The following HTR6 variants were observed in gnomAD, a reference collection of about 807,000 sequenced individuals.
The protein encoded by HTR6 is 5-hydroxytryptamine receptor 6, also known as 5-hydroxytryptamine (serotonin) receptor 6, G protein-coupled.
HTR6 carries 15 observed loss-of-function variants against 17.4 expected under a neutral mutation model. The ratio of observed to expected loss-of-function variants is 0.86; its 90% CI spans 0.58 to 1.33. The LOEUF (loss-of-function observed/expected upper bound fraction) is 1.33, where lower values mean the gene tolerates loss of function less well. Ranked by LOEUF, HTR6 falls within the 40% of genes most tolerant of loss-of-function variation. The pLI is 0.00. For missense variants in HTR6, 578 were observed against 616.0 expected (o/e 0.94, Z 0.65); for synonymous variants, 326 against 295.5 (o/e 1.10, Z -1.06).
Position 19,666,419 on chromosome 1 carries a change from G to T in HTR6, c.666G>T (p.Val222=). ...CTGCCCGCAAGCAGGCCGTGCAGGT[G>T]GCCTCCCTCACCACCGGCATGGCCA... ...LLAARKQAVQ[V]ASLTTGMASQ... is the part of the protein sequence containing the mutation. Residue 222 remains valine (V), a synonymous_variant, in exon 1 of 3, where the codon GTG becomes GTT. Coordinates refer to ENST00000289753, the MANE Select transcript of HTR6 (RefSeq NM_000871.3). The surrounding 1 kb of genome is among the most constrained non-coding windows in gnomAD (Gnocchi z 4.5). 1.2e-6 allele frequency: 2 copies of T among 1,613,238 alleles called. No homozygotes were observed. The highest frequency in any genetic ancestry group is 1.7e-6 in the Non-Finnish European group (2 of 1,179,896).
chr1:19,672,988 C>A (rs1435749709), intron 1 of HTR6, among the ~76,000 whole-genome samples: 1 of 152,152 alleles, frequency 6.6e-6, no homozygotes, highest in African/African-American at 2.4e-5. Flanking sequence ...ATCTTTAAAA[C>A]AACAACAATA....
Position 19,680,734 on chromosome 1 carries a change from T to C in HTR6, c.*1366T>C, listed in dbSNP as rs2095101288. Among the ~76,000 whole-genome samples the C allele has an allele frequency of 6.6e-6, 1 of 152,146 alleles. No homozygotes were observed. The highest frequency in any genetic ancestry group is 2.1e-4 in the South Asian group (1 of 4,826). Reference sequence around the variant, plus strand: ...TTCTGGGGGCAGGGGGTTGGGGAACTCTTGGTCGCCAGTTTACCTGCCATA... The same window carrying C: ...TTCTGGGGGCAGGGGGTTGGGGAACCCTTGGTCGCCAGTTTACCTGCCATA... On this transcript the variant is annotated 3_prime_UTR_variant, in exon 3 of 3. Coordinates refer to ENST00000289753, the MANE Select transcript of HTR6 (RefSeq NM_000871.3).
In HTR6 at chr1:19,678,665, C is replaced by T; in HGVS notation, c.813C>T (p.Gly271=). ...CCCTGAAGGCCAGCCTGACGCTGGG[C>T]ATCCTGCTGGGCATGTTCTTTGTGA... ...RKALKASLTL[G]ILLGMFFVTW... Residue 271 remains glycine, a synonymous_variant, in exon 2 of 3, where the codon GGC becomes GGT. Transcript: ENST00000289753. 6.2e-7 allele frequency: 1 copy of T among 1,613,914 alleles called. No homozygotes were observed.
At chr1:19,668,074 G>C (rs3790753) in intron 1 of HTR6, among the ~76,000 whole-genome samples, 4 of 152,210 alleles carry the variant, frequency 2.6e-5, no homozygotes, top group African/African-American at 9.6e-5. Context: ...CACCTGGGGT[G>C]GGGGCAGGGC....
At position 19,679,340 on chromosome 1, in the gene HTR6, C is replaced by T. The variant is rs549015054; in HGVS notation, c.1295C>T (p.Pro432Leu). The change falls in exon 3 of 3, where the codon CCG (proline) becomes CTG (leucine). Residue 432 changes from proline to leucine, a missense_variant. Transcript: ENST00000289753. The surrounding 1 kb of genome is among the most constrained non-coding windows in gnomAD (Gnocchi z 4.9). Reference protein sequence around the residue: ...NIDPAEPELRPHPLGIPTN With the variant: ...NIDPAEPELRLHPLGIPTN ...GACCCCGCGGAGCCCGAGCTGCGGC[C>T]GCATCCACTTGGCATCCCCACGAAC... The T allele has an allele frequency of 1.4e-5, 22 of 1,598,156 alleles. No homozygotes were observed. The highest frequency in any genetic ancestry group is 1.2e-4 in the African/African-American group (9 of 74,610).
rs2100467081 is a variant in HTR6 at position 19,666,319 on chromosome 1, T to C, written c.566T>C (p.Val189Ala). The change falls in exon 1 of 3, where the codon GTC (valine) becomes GCC (alanine). Residue 189 changes from valine to alanine, a missense_variant. By Grantham distance (64) the Val-to-Ala change is moderately conservative. Transcript: ENST00000289753. The surrounding 1 kb of genome is among the most constrained non-coding windows in gnomAD (Gnocchi z 4.5). The stretch of plus-strand genomic sequence containing the variant: ...CGCCTGCTGGCCAGCCTGCCTTTTG[T>C]CCTTGTGGCGTCGGGCCTCACCTTC... Reference protein sequence around the residue: ...QCRLLASLPFVLVASGLTFFL... With the variant: ...QCRLLASLPFALVASGLTFFL... 6.2e-7 allele frequency: 1 copy of C among 1,613,536 alleles called. No individual in the cohort carries two copies. The highest frequency in any genetic ancestry group is 2.2e-5 in the East Asian group (1 of 44,844).
chr1:19,675,285 C>T (rs924097384), intron 1 of HTR6, among the ~76,000 whole-genome samples: 3 of 152,146 alleles, frequency 2.0e-5, no homozygotes, highest in Non-Finnish European at 2.9e-5. Context: ...CTCATAAAGA[C>T]TGAATGACCT....
intron 1 of HTR6, among the ~76,000 whole-genome samples, chr1:19,674,287 CCTG>C (rs1222575614): frequency 1.3e-5 from 2 of 152,098 alleles, no homozygotes; most frequent in African/African-American, 2.4e-5. Flanking sequence ...TACTTTGCAA[CCTG>C]CTATTATAAT....
At chr1:19,670,616 G>A (rs1209154340) in intron 1 of HTR6, among the ~76,000 whole-genome samples, 6 of 151,914 alleles carry the variant, frequency 3.9e-5, no homozygotes, top group African/African-American at 4.8e-5. Context: ...GGTGCACATC[G>A]CCACACCGGG....
chr1:19,677,853 C>T lies in HTR6; in HGVS notation c.715-714C>T, dbSNP rs577510014. On this transcript the variant is annotated intron_variant, in intron 1 of 2. Transcript: ENST00000289753. ...CTCCTGGGTTCAAGCAATTCTCCTG[C>T]CTCAGTCTCCTGAGTAGCTGGGATT... Among the ~76,000 whole-genome samples the T allele has an allele frequency of 3.9e-4, 60 of 152,348 alleles. 1 individual carries two copies. The South Asian group carries it at 0.012, about 31-fold the overall frequency.
chr1:19,676,138 C>T (rs1266813819), intron 1 of HTR6, among the ~76,000 whole-genome samples: 5 of 152,160 alleles, frequency 3.3e-5, no homozygotes, highest in Non-Finnish European at 7.3e-5. Context: ...CCTCACAACA[C>T]ATATCACTGA....
In HTR6 at chr1:19,679,574, G is replaced by A. The variant is rs2095099173; in HGVS notation, c.*206G>A. ...ATAGCTGACTCAGATATCGTGTTCT[G>A]AAGGATGCTCCACTGTTGAGTGTAA... On this transcript the variant is annotated 3_prime_UTR_variant, in exon 3 of 3. Coordinates refer to ENST00000289753, the MANE Select transcript of HTR6 (RefSeq NM_000871.3). This position sits in a 1 kb window ranked among gnomAD's most constrained non-coding sequence, Gnocchi z 4.9. 1.4e-6 allele frequency: 1 copy of A among 695,262 alleles called. No individual in the cohort carries two copies. Among genetic ancestry groups the A allele is most frequent in the African/African-American group, 1.8e-5 (1 of 55,452 alleles). 43.1% of individuals were successfully genotyped at this position (695,262 alleles called of 1,614,324 possible).
chr1:19,671,452 T>C (rs1431547331), intron 1 of HTR6, among the ~76,000 whole-genome samples: 3 of 152,210 alleles, frequency 2.0e-5, no homozygotes, highest in East Asian at 1.9e-4. Context: ...CAGGCCGTTT[T>C]CCTGATTGCC....
intron 1 of HTR6, 74 bp from the exon 2 acceptor site, chr1:19,678,493 C>G (rs2095097020): frequency 1.9e-6 from 3 of 1,557,920 alleles, no homozygotes; most frequent in Non-Finnish European, 1.8e-6. Context: ...AGGATTGAAG[C>G]TCAGTCTGTG....
intron 1 of HTR6, among the ~76,000 whole-genome samples, chr1:19,676,362 G>A (rs1479624257): frequency 2.6e-5 from 4 of 152,256 alleles, no homozygotes; most frequent in Admixed American, 6.5e-5. Flanking sequence ...AAAAGCCCAG[G>A]TTTTGCCTCT....
intron 1 of HTR6, among the ~76,000 whole-genome samples, chr1:19,668,738 T>C (rs144689515): frequency 6.7e-4 from 102 of 152,322 alleles, no homozygotes; most frequent in Middle Eastern, 6.8e-3. Flanking sequence ...CTTTAAATCA[T>C]CTCTTTTATA....
intron 1 of HTR6, among the ~76,000 whole-genome samples, 190 bp from the exon 2 acceptor site, chr1:19,678,377 G>T (rs576058709): frequency 4.0e-4 from 60 of 151,760 alleles, no homozygotes; most frequent in Non-Finnish European, 6.0e-4. Flanking sequence ...CTGATGTCAG[G>T]GCTTGGCCTG....
chr1:19,667,027 T>G (rs1214889872), intron 1 of HTR6, among the ~76,000 whole-genome samples: 1 of 152,148 alleles, frequency 6.6e-6, no homozygotes, highest in Non-Finnish European at 1.5e-5. Flanking sequence ...CTTCCCACCG[T>G]GCTCCAGATA....
rs147873298 is a variant in HTR6 at position 19,679,991 on chromosome 1, C to T, written c.*623C>T. Among the ~76,000 whole-genome samples, 182 of 152,270 alleles carry T rather than the reference C, an allele frequency of 1.2e-3. 1 individual carries two copies. The highest frequency in any genetic ancestry group is 2.9e-3 in the Admixed American group (44 of 15,288). On this transcript the variant is annotated 3_prime_UTR_variant, in exon 3 of 3. Coordinates refer to ENST00000289753, the MANE Select transcript of HTR6 (RefSeq NM_000871.3). This position sits in a 1 kb window ranked among gnomAD's most constrained non-coding sequence, Gnocchi z 4.9. ...TTTTTGGACCTGTCAGTCTCCCCTCCCTGGTATATATGTGGCAGCAGCTGC... is the reference window on the plus strand; with the variant it reads ...TTTTTGGACCTGTCAGTCTCCCCTCTCTGGTATATATGTGGCAGCAGCTGC...
Sources: allele counts gnomAD v4.1 joint callset (sites outside exome capture counted in the v4.1 genomes callset), GRCh38; gene constraint gnomAD v4.1.1; non-coding constraint Gnocchi (gnomAD v3.1); transcripts MANE v1.5; gene names NCBI Gene and HGNC (gene_info 2026-07-23, HGNC 2026-07-21).